Variants in ZNF385B observed in about 807,000 individuals in gnomAD.
ZNF385B encodes the protein zinc finger protein 533.
In ZNF385B, 23 loss-of-function variants were observed where a neutral mutation model predicts 39.2. The ratio of observed to expected loss-of-function variants is 0.59; its 90% CI spans 0.42 to 0.83. The LOEUF (loss-of-function observed/expected upper bound fraction) is 0.83. Ranked by LOEUF, ZNF385B falls within the 40% of genes least tolerant of loss-of-function variation. ZNF385B has a pLI of 0.00. For synonymous variants in ZNF385B, 205 were observed against 222.6 expected (o/e 0.92, Z 0.70); for missense variants, 552 against 598.9 (o/e 0.92, Z 0.82).
At chr2:179,493,797 A>ATGTGTATATACATATGTGTATACATG (rs2055824281) in intron 5 of ZNF385B, among the ~76,000 whole-genome samples, 1 of 110,858 alleles carries the variant, frequency 9.0e-6, no homozygotes. Flanking sequence ...ATGTATACAT[A>ATGTGTATATACATATGTGTATACATG]TATGTATATA....
At chr2:179,463,948 C>T (rs1324648308) in intron 6 of ZNF385B, among the ~76,000 whole-genome samples, 2 of 152,200 alleles carry the variant, frequency 1.3e-5, no homozygotes, top group South Asian at 2.1e-4. Context: ...AATGGTTGAA[C>T]TGATTTTTAC....
intron 3 of ZNF385B, among the ~76,000 whole-genome samples, chr2:179,746,262 A>G (rs1702376280): frequency 1.3e-5 from 2 of 152,318 alleles, no homozygotes; most frequent in Non-Finnish European, 2.9e-5. Flanking sequence ...TTCAACAATG[A>G]GCAGGATACA....
At chr2:179,528,886 A>G (rs1199068878) in intron 4 of ZNF385B, among the ~76,000 whole-genome samples, 1 of 152,194 alleles carries the variant, frequency 6.6e-6, no homozygotes, top group African/African-American at 2.4e-5. Context: ...TGCTGCGGGG[A>G]TCAAGAGTGA....
chr2:179,752,434 C>G (rs1285654699), intron 3 of ZNF385B, among the ~76,000 whole-genome samples: 3 of 152,204 alleles, frequency 2.0e-5, no homozygotes, highest in African/African-American at 4.8e-5. Flanking sequence ...ATTTATAATC[C>G]TTTGGGTATA....
At chr2:179,681,103 T>C (rs1697473601) in intron 3 of ZNF385B, among the ~76,000 whole-genome samples, 1 of 152,012 alleles carries the variant, frequency 6.6e-6, no homozygotes, top group African/African-American at 2.4e-5. Flanking sequence ...TTTGAAACTT[T>C]TGATTCTAAC....
At chr2:179,547,879 T>C (rs576578843) in intron 3 of ZNF385B, among the ~76,000 whole-genome samples, 1 of 149,888 alleles carries the variant, frequency 6.7e-6, no homozygotes, top group East Asian at 1.9e-4. Flanking sequence ...TTTCCTTGTG[T>C]GTGTCCTCTT....
At chr2:179,588,923 GTAGA>G (rs1687327317) in intron 3 of ZNF385B, among the ~76,000 whole-genome samples, 1 of 152,154 alleles carries the variant, frequency 6.6e-6, no homozygotes, top group Admixed American at 6.5e-5. Context: ...GCCCAGCACT[GTAGA>G]GAGAGCTCTG....
chr2:179,604,826 C>A (rs1325503771), intron 3 of ZNF385B, among the ~76,000 whole-genome samples: 1 of 152,210 alleles, frequency 6.6e-6, no homozygotes, highest in Middle Eastern at 3.4e-3. Flanking sequence ...ATAACATTTA[C>A]AATTGTGAAA....
chr2:179,607,737 T>C (rs911250340), intron 3 of ZNF385B, among the ~76,000 whole-genome samples: 3 of 152,260 alleles, frequency 2.0e-5, no homozygotes, highest in East Asian at 3.9e-4. Flanking sequence ...TAATAATTTC[T>C]AATATAACAT....
chr2:179,478,423 C>T (rs548770763), intron 6 of ZNF385B, among the ~76,000 whole-genome samples: 11 of 152,320 alleles, frequency 7.2e-5, no homozygotes, highest in African/African-American at 2.6e-4. Context: ...ATACTAATTT[C>T]AGCCCTATCC....
At chr2:179,703,980 A>G (rs1461379942) in intron 3 of ZNF385B, among the ~76,000 whole-genome samples, 1 of 152,234 alleles carries the variant, frequency 6.6e-6, no homozygotes, top group Non-Finnish European at 1.5e-5. Flanking sequence ...TGTCATGCTA[A>G]GTGATTGAAT....
intron 1 of ZNF385B, among the ~76,000 whole-genome samples, chr2:179,810,150 A>T (rs1453352002): frequency 6.6e-6 from 1 of 151,928 alleles, no homozygotes; most frequent in Non-Finnish European, 1.5e-5. Context: ...TTATAATCTC[A>T]TCTGAAACTA....
chr2:179,556,085 G>A (rs1340275034), intron 3 of ZNF385B, among the ~76,000 whole-genome samples: 2 of 148,502 alleles, frequency 1.3e-5, no homozygotes, highest in Admixed American at 6.7e-5. Context: ...ATCTTTCACC[G>A]AGATGCAACA....
intron 3 of ZNF385B, among the ~76,000 whole-genome samples, chr2:179,717,020 G>T (rs1313398130): frequency 1.3e-5 from 2 of 152,116 alleles, no homozygotes; most frequent in Admixed American, 6.5e-5. Flanking sequence ...CAGATACTCT[G>T]AGATATAATT....
At chr2:179,627,291 A>G (rs529930931) in intron 3 of ZNF385B, among the ~76,000 whole-genome samples, 2 of 152,310 alleles carry the variant, frequency 1.3e-5, no homozygotes, top group South Asian at 4.1e-4. Flanking sequence ...CCCCAGACCA[A>G]GAGTTCTTCT....
At chr2:179,682,522 C>T (rs1697596264) in intron 3 of ZNF385B, among the ~76,000 whole-genome samples, 1 of 152,168 alleles carries the variant, frequency 6.6e-6, no homozygotes, top group South Asian at 2.1e-4. Flanking sequence ...ATGACTTTTG[C>T]CTTCTCACTG....
At chr2:179,857,564 C>A (rs1169921158) in intron 1 of ZNF385B, among the ~76,000 whole-genome samples, 1 of 152,122 alleles carries the variant, frequency 6.6e-6, no homozygotes, top group Admixed American at 6.5e-5. Flanking sequence ...AGCTCAGAGA[C>A]CTGCTGTGTT....
chr2:179,640,751 G>T (rs1019878901), intron 3 of ZNF385B, among the ~76,000 whole-genome samples: 2 of 151,996 alleles, frequency 1.3e-5, no homozygotes, highest in Non-Finnish European at 2.9e-5. Context: ...GGTCCCGTTT[G>T]GTATTACACT....
intron 3 of ZNF385B, among the ~76,000 whole-genome samples, chr2:179,563,730 C>T (rs563497622): frequency 1.2e-3 from 177 of 152,126 alleles, no homozygotes; most frequent in Non-Finnish European, 1.9e-3. Context: ...TACTTACTTC[C>T]CCCCAAATAA....
Sources: gnomAD v4.1 joint callset for allele counts (sites outside exome capture counted in the v4.1 genomes callset) on GRCh38, gnomAD v4.1.1 for gene constraint, MANE v1.5 for transcripts, NCBI Gene and HGNC (gene_info 2026-07-23, HGNC 2026-07-21) for gene names.